Variants in TAF4B observed in about 807,000 individuals in gnomAD.
TAF4B encodes the protein transcription initiation factor TFIID subunit 4B.
A neutral mutation model predicts 86.4 loss-of-function variants in TAF4B; 38 were observed. The observed-to-expected ratio is 0.44, with a 90% confidence interval of 0.34 to 0.58. The LOEUF is 0.58. Ranked by LOEUF, TAF4B falls within the 20% of genes least tolerant of loss-of-function variation. The pLI is 0.02. For synonymous variants in TAF4B, 388 were observed against 391.2 expected (o/e 0.99, Z 0.10); for missense variants, 988 against 1,027.6 (o/e 0.96, Z 0.53).
At chr18:26,348,190 T>C (rs567011839) in intron 13 of TAF4B, among the ~76,000 whole-genome samples, 22 of 152,202 alleles carry the variant, frequency 1.4e-4, no homozygotes, top group Non-Finnish European at 3.1e-4. Context: ...CCTCAAACAT[T>C]TTAAAATATC....
At chr18:26,257,332 C>G (rs765256655) in intron 1 of TAF4B, among the ~76,000 whole-genome samples, 2 of 152,108 alleles carry the variant, frequency 1.3e-5, no homozygotes, top group Non-Finnish European at 2.9e-5. Context: ...CCTTCTTTAT[C>G]TCTTGTTTAA....
chr18:26,323,385 AGGCT>A (rs1455021271), intron 11 of TAF4B, among the ~76,000 whole-genome samples: 6 of 152,142 alleles, frequency 3.9e-5, no homozygotes, highest in African/African-American at 1.4e-4. Flanking sequence ...TCTGTCATCC[AGGCT>A]GGAGTGCAGT....
At position 26,319,778 on chromosome 18, in the gene TAF4B, C is replaced by T. The variant is rs147373488; in HGVS notation, c.2003-1292C>T. Among the ~76,000 whole-genome samples the T allele has an allele frequency of 9.9e-3, 1,503 of 152,078 alleles. 11 individuals carry two copies. The highest frequency in any genetic ancestry group is 0.034 in the African/African-American group (1,396 of 41,530). On this transcript the variant is annotated intron_variant, in intron 10 of 14. Transcript: ENST00000269142. ...CTATTTTTTTTGTATTTAGTAGAGA[C>T]GGGGTTTCACCGTGTTAGTCAGGCT...
intron 13 of TAF4B, among the ~76,000 whole-genome samples, chr18:26,349,953 T>A (rs72881827): frequency 0.12 from 18,513 of 152,202 alleles, 1,378 homozygotes; most frequent in Non-Finnish European, 0.16. Flanking sequence ...CAGGAACATA[T>A]ACCAGGGAAA....
intron 13 of TAF4B, among the ~76,000 whole-genome samples, chr18:26,338,706 G>A (rs557698518): frequency 3.4e-4 from 51 of 151,886 alleles, no homozygotes; most frequent in Admixed American, 2.3e-3. Flanking sequence ...TTGAACTCCC[G>A]ACGTCAGGTG....
At chr18:26,334,203 A>G (rs1421286687) in intron 12 of TAF4B, among the ~76,000 whole-genome samples, 1 of 152,074 alleles carries the variant, frequency 6.6e-6, no homozygotes, top group Non-Finnish European at 1.5e-5. Flanking sequence ...GATATTTAAG[A>G]TGTTTGAAAT....
chr18:26,258,303 A>G (rs1192484061), intron 1 of TAF4B, among the ~76,000 whole-genome samples: 1 of 150,936 alleles, frequency 6.6e-6, no homozygotes, highest in Non-Finnish European at 1.5e-5. Context: ...TGTTTATGTC[A>G]TTTGTTATAT....
intron 10 of TAF4B, among the ~76,000 whole-genome samples, chr18:26,319,794 TAGTC>T (rs965590764): frequency 2.6e-5 from 4 of 152,288 alleles, no homozygotes; most frequent in South Asian, 2.1e-4. Context: ...TTCACCGTGT[TAGTC>T]AGGCTGGTCT....
rs537101220 is a variant in TAF4B, at chr18:26,243,959, G to A, written c.343+16683G>A. Among the ~76,000 whole-genome samples the A allele has an allele frequency of 1.8e-3, 278 of 152,306 alleles. 1 individual carries two copies. The highest frequency in any genetic ancestry group is 6.5e-3 in the African/African-American group (271 of 41,570). On this transcript the variant is annotated intron_variant, in intron 1 of 14. Transcript: ENST00000269142. ...TTCCTCTGGAAGCTTCGTCTCAGAG[G>A]GGCACCTGGCTGTATGAGGTGTCAG...
chr18:26,276,542 G>A (rs1201033761), intron 5 of TAF4B, among the ~76,000 whole-genome samples: 3 of 152,108 alleles, frequency 2.0e-5, no homozygotes, highest in Non-Finnish European at 4.4e-5. Context: ...AACAAGCATA[G>A]TTTATAAATA....
At chr18:26,346,166 ATCG>A (rs1473493305) in intron 13 of TAF4B, among the ~76,000 whole-genome samples, 1 of 152,144 alleles carries the variant, frequency 6.6e-6, no homozygotes, top group Non-Finnish European at 1.5e-5. Context: ...TGAGATAGAT[ATCG>A]TAATAAAGAA....
At chr18:26,235,246 A>G (rs2055731583) in intron 1 of TAF4B, among the ~76,000 whole-genome samples, 1 of 152,052 alleles carries the variant, frequency 6.6e-6, no homozygotes, top group South Asian at 2.1e-4. Flanking sequence ...TAGCATATAG[A>G]GTGGCCTGGC....
intron 9 of TAF4B, among the ~76,000 whole-genome samples, chr18:26,308,533 A>G (rs1568143835): frequency 6.6e-6 from 1 of 152,128 alleles, no homozygotes; most frequent in Non-Finnish European, 1.5e-5. Flanking sequence ...AAGCCAAGAG[A>G]CAGTTATAAT....
intron 3 of TAF4B, among the ~76,000 whole-genome samples, chr18:26,269,004 A>G (rs756500927): frequency 1.3e-5 from 2 of 151,840 alleles, no homozygotes; most frequent in Non-Finnish European, 2.9e-5. Context: ...TTGTATTTTT[A>G]GTAGGGATGG....
rs1262728999 is a variant in TAF4B at position 26,299,749 on chromosome 18, G to A, written c.1832+6218G>A. ...TTTTTCATTTTAATGCCAATTTCATGAAGTTGTATTTTTTTAAGGTTTTTG... is the reference window on the plus strand; with the variant it reads ...TTTTTCATTTTAATGCCAATTTCATAAAGTTGTATTTTTTTAAGGTTTTTG... On this transcript the variant is annotated intron_variant, in intron 9 of 14. Transcript: ENST00000269142. 3.3e-5 allele frequency among the ~76,000 whole-genome samples: 5 copies of A among 152,078 alleles called. No homozygotes were observed. In the East Asian group the frequency reaches 9.6e-4, roughly 29 times the overall value.
intron 7 of TAF4B, 93 bp downstream of exon 7, chr18:26,286,592 A>AT (rs2056526619): frequency 7.3e-7 from 1 of 1,364,094 alleles, no homozygotes; most frequent in Admixed American, 2.3e-5. Flanking sequence ...TAGTAAGGCT[A>AT]TATACTGTTT....
At chr18:26,274,427 A>G (rs75240251) in intron 3 of TAF4B, among the ~76,000 whole-genome samples, 11,930 of 152,256 alleles carry the variant, frequency 0.078, 573 homozygotes, top group Non-Finnish European at 0.1. Flanking sequence ...AAGATTAAGT[A>G]ACTTGCCTGC....
intron 13 of TAF4B, among the ~76,000 whole-genome samples, chr18:26,355,185 C>T (rs901336886): frequency 6.6e-6 from 1 of 152,108 alleles, no homozygotes; most frequent in Non-Finnish European, 1.5e-5. Flanking sequence ...TCCAATTGTA[C>T]CTTAATGATA....
intron 14 of TAF4B, among the ~76,000 whole-genome samples, chr18:26,367,106 A>G (rs1188507731): frequency 6.6e-6 from 1 of 152,224 alleles, no homozygotes; most frequent in Non-Finnish European, 1.5e-5. Flanking sequence ...TTTGTGGGAC[A>G]GTGTGTCTTG....
Sources: allele counts gnomAD v4.1 joint callset (sites outside exome capture counted in the v4.1 genomes callset), GRCh38; gene constraint gnomAD v4.1.1; transcripts MANE v1.5; gene names NCBI Gene and HGNC (gene_info 2026-07-23, HGNC 2026-07-21).